ANKRD30B: variants seen among roughly 807,000 people sequenced by gnomAD.
ANKRD30B encodes ankyrin repeat domain 30B.
A neutral mutation model predicts 202.2 loss-of-function variants in ANKRD30B; 144 were observed. The ratio of observed to expected loss-of-function variants is 0.71; its 90% CI spans 0.62 to 0.82. The LOEUF (loss-of-function observed/expected upper bound fraction) is 0.82. Among genes scored for constraint, ANKRD30B ranks in the 40% least tolerant of loss-of-function variants. The pLI, the probability that ANKRD30B is intolerant of heterozygous loss-of-function variation, is 0.00. For missense variants in ANKRD30B, 1,487 were observed against 1,669.1 expected (o/e 0.89, Z 1.90); for synonymous variants, 508 against 561.3 (o/e 0.91, Z 1.34).
chr18:14,939,774 C>T, the ANKRD30B span, among the ~76,000 whole-genome samples: 3 of 152,268 alleles, frequency 2.0e-5, no homozygotes, highest in East Asian at 5.8e-4. Context: ...TTAAGCAATG[C>T]AAAGAAAGCT....
the ANKRD30B span, among the ~76,000 whole-genome samples, chr18:14,868,849 G>A: frequency 1.0e-3 from 154 of 152,396 alleles, no homozygotes; most frequent in African/African-American, 3.6e-3. Flanking sequence ...CTGCTCAGGA[G>A]GGCTTCTATG....
chr18:14,810,237 T>C, intron 28 of ANKRD30B, 57 bp downstream of exon 28: 1 of 1,076,408 alleles, frequency 9.3e-7, no homozygotes, highest in Non-Finnish European at 1.3e-6. Flanking sequence ...CTATTTGAAA[T>C]GCTGAGAGCC....
the ANKRD30B span, among the ~76,000 whole-genome samples, chr18:14,910,858 T>C: frequency 6.6e-6 from 1 of 152,198 alleles, no homozygotes; most frequent in East Asian, 1.9e-4. Flanking sequence ...TGGTTTCCAT[T>C]TGCATTTCTC....
chr18:14,937,330 C>T, the ANKRD30B span, among the ~76,000 whole-genome samples: 3 of 152,218 alleles, frequency 2.0e-5, no homozygotes, highest in African/African-American at 7.2e-5. Flanking sequence ...ATTCCACACT[C>T]AACAAACTGT....
chr18:14,748,357 G>C lies in ANKRD30B; in HGVS notation c.-63G>C. On this transcript the variant is annotated 5_prime_UTR_variant, in exon 1 of 44. Transcript: ENST00000690538. The stretch of plus-strand genomic sequence containing the variant: ...AAGGGTAAGCGGGAAGCGAGGGCGA[G>C]GGGTAGGGGCTGGGGAAGGGCGAGC... 3 of 1,334,710 alleles carry C rather than the reference G, an allele frequency of 2.2e-6. No individual in the cohort carries two copies. Among genetic ancestry groups the C allele is most frequent in the Non-Finnish European group, 3.0e-6 (3 of 1,014,112 alleles). The allele number at this position is 1,334,710 out of a possible 1,614,324, so 82.7% of individuals were successfully genotyped here.
chr18:14,779,613 G>A (rs1358135465), intron 10 of ANKRD30B, among the ~76,000 whole-genome samples: 1 of 152,102 alleles, frequency 6.6e-6, no homozygotes, highest in Admixed American at 6.5e-5. Flanking sequence ...AAAACAGAGA[G>A]AATTGAGAGA....
intron 30 of ANKRD30B, among the ~76,000 whole-genome samples, chr18:14,817,812 CTCA>C (rs1202313057): frequency 6.6e-6 from 1 of 152,142 alleles, no homozygotes; most frequent in African/African-American, 2.4e-5. Flanking sequence ...GAATGACCTT[CTCA>C]TCATAATTAA....
At chr18:14,820,694 T>G (rs1246128954) in intron 30 of ANKRD30B, among the ~76,000 whole-genome samples, 3 of 152,164 alleles carry the variant, frequency 2.0e-5, no homozygotes, top group Admixed American at 2.0e-4. Context: ...GAACCAGCCT[T>G]GCATCCCAGG....
rs1316175054 is a variant in ANKRD30B, at chr18:14,789,156, AT to A, written c.1734+2062del. ...TCTCTGATGGCCAATGATGGTGAGC[AT>A]TTTTTCATGTGTTTTTTGGATGCAT... On this transcript the variant is annotated intron_variant, in intron 15 of 43. Coordinates refer to ENST00000690538, the MANE Select transcript of ANKRD30B (RefSeq NM_001367607.2). Among the ~76,000 whole-genome samples, 7 of 152,168 alleles carry A rather than the reference AT, an allele frequency of 4.6e-5. No homozygotes were observed. The East Asian group carries it at 1.3e-3, about 29-fold the overall frequency.
At chr18:14,783,641 T>G (rs1363983269) in intron 12 of ANKRD30B, among the ~76,000 whole-genome samples, 2 of 152,130 alleles carry the variant, frequency 1.3e-5, no homozygotes, top group Non-Finnish European at 2.9e-5. Context: ...CTTAACAATA[T>G]AAAAAGTTAT....
chr18:14,809,896 G>A (rs1438744946), intron 26 of ANKRD30B, 90 bp from the exon 27 acceptor site: 6 of 1,193,120 alleles, frequency 5.0e-6, no homozygotes, highest in South Asian at 2.4e-5. Context: ...CCAAGCATGA[G>A]GATTCATCTT....
intron 10 of ANKRD30B, among the ~76,000 whole-genome samples, chr18:14,778,289 A>G (rs898527998): frequency 1.3e-5 from 2 of 152,214 alleles, no homozygotes; most frequent in Non-Finnish European, 2.9e-5. Flanking sequence ...AATTCAATAT[A>G]CTGTAAGACC....
chr18:14,922,170 T>C, the ANKRD30B span, among the ~76,000 whole-genome samples: 1 of 152,022 alleles, frequency 6.6e-6, no homozygotes, highest in Non-Finnish European at 1.5e-5. Context: ...ATTGGGGACT[T>C]TGCATTGGAA....
At chr18:14,870,725 A>G in the ANKRD30B span, among the ~76,000 whole-genome samples, 2 of 152,074 alleles carry the variant, frequency 1.3e-5, no homozygotes. Context: ...CCCTGGCTCC[A>G]TGAAGCACCA....
intron 30 of ANKRD30B, among the ~76,000 whole-genome samples, chr18:14,821,244 T>C (rs1970404405): frequency 1.3e-5 from 2 of 152,168 alleles, no homozygotes; most frequent in Admixed American, 1.3e-4. Context: ...TCTATTTGAT[T>C]CTTCTCCCTT....
intron 16 of ANKRD30B, among the ~76,000 whole-genome samples, chr18:14,792,573 G>A (rs1968596252): frequency 6.6e-6 from 1 of 151,930 alleles, no homozygotes; most frequent in South Asian, 2.1e-4. Context: ...TTGTATGAAG[G>A]AAAATGGAGT....
At chr18:14,793,855 C>G (rs140550905) in intron 16 of ANKRD30B, among the ~76,000 whole-genome samples, 3 of 151,816 alleles carry the variant, frequency 2.0e-5, no homozygotes, top group Non-Finnish European at 4.4e-5. Flanking sequence ...GATCTCAACA[C>G]TGCACTCCAG....
the ANKRD30B span, among the ~76,000 whole-genome samples, chr18:14,879,230 G>A: frequency 1.3e-5 from 2 of 152,132 alleles, no homozygotes; most frequent in Non-Finnish European, 2.9e-5. Context: ...GAAGGGTTCA[G>A]TGTGGAAAAC....
chr18:14,863,691 A>T, the ANKRD30B span, among the ~76,000 whole-genome samples: 193 of 151,358 alleles, frequency 1.3e-3, no homozygotes, highest in African/African-American at 4.5e-3. Flanking sequence ...ACAAAAAAAT[A>T]GATGGTATCA....
Sources: allele counts gnomAD v4.1 joint callset (sites outside exome capture counted in the v4.1 genomes callset), GRCh38; gene constraint gnomAD v4.1.1; transcripts MANE v1.5; gene names NCBI Gene and HGNC (gene_info 2026-07-23, HGNC 2026-07-21).